The following SLC5A4 variants were observed in gnomAD, a reference collection of about 807,000 sequenced individuals.
SLC5A4 encodes the protein probable glucose sensor protein SLC5A4.
A neutral mutation model predicts 70.3 loss-of-function variants in SLC5A4; 55 were observed. The observed-to-expected ratio is 0.78, with a 90% CI of 0.63 to 0.98. The LOEUF (loss-of-function observed/expected upper bound fraction) is 0.98. Ranked by LOEUF, SLC5A4 falls within the 50% of genes least tolerant of loss-of-function variation. The pLI, the probability that SLC5A4 is intolerant of heterozygous loss-of-function variation, is 0.00. For synonymous variants in SLC5A4, 268 were observed against 305.7 expected (o/e 0.88, Z 1.29); for missense variants, 735 against 839.2 (o/e 0.88, Z 1.53).
At chr22:32,238,409 C>A (rs772610939) in intron 6 of SLC5A4, among the ~76,000 whole-genome samples, 1 of 152,172 alleles carries the variant, frequency 6.6e-6, no homozygotes, top group Non-Finnish European at 1.5e-5. Flanking sequence ...ACTGTTCTAG[C>A]TGGTATTTTT....
the SLC5A4 span, among the ~76,000 whole-genome samples, chr22:32,351,746 GGC>G: frequency 8.7e-5 from 3 of 34,568 alleles, no homozygotes; most frequent in African/African-American, 5.6e-4. Flanking sequence ...GTGGGGGGAG[GGC>G]GGGGGGGGGG....
At chr22:32,241,232 A>T (rs866790410) in intron 5 of SLC5A4, among the ~76,000 whole-genome samples, 1 of 152,240 alleles carries the variant, frequency 6.6e-6, no homozygotes, top group Middle Eastern at 3.2e-3. Flanking sequence ...GCATAAAATA[A>T]GTTTTGCTTT....
At chr22:32,265,136 A>C in the SLC5A4 span, among the ~76,000 whole-genome samples, 1 of 152,216 alleles carries the variant, frequency 6.6e-6, no homozygotes. Context: ...ATGGTGGCTC[A>C]CACCTGTTAT....
chr22:32,332,132 G>A, the SLC5A4 span, among the ~76,000 whole-genome samples: 6 of 151,872 alleles, frequency 4.0e-5, no homozygotes, highest in Admixed American at 3.3e-4. Context: ...GCTGCAGCTC[G>A]TGAGACAGTG....
At chr22:32,227,974 A>G (rs982805464) in intron 11 of SLC5A4, among the ~76,000 whole-genome samples, 1 of 152,092 alleles carries the variant, frequency 6.6e-6, no homozygotes, top group Admixed American at 6.5e-5. Flanking sequence ...TGAAAAAAAA[A>G]TTGTATTTCA....
chr22:32,354,300 G>A, the SLC5A4 span, among the ~76,000 whole-genome samples: 2 of 139,132 alleles, frequency 1.4e-5, no homozygotes, highest in Admixed American at 7.9e-5. Context: ...CCCCCTCCCT[G>A]CTGCCAACAG....
chr22:32,219,474 TG>T (rs1465377503), intron 14 of SLC5A4, among the ~76,000 whole-genome samples: 7 of 151,952 alleles, frequency 4.6e-5, no homozygotes, highest in Admixed American at 1.3e-4. Context: ...GAAATGATAA[TG>T]AAAATTATAC....
Position 32,240,897 on chromosome 22 carries a change from G to A in SLC5A4, c.478-1807C>T, listed in dbSNP as rs1168539024. On this transcript the variant is annotated intron_variant, in intron 5 of 14. Transcript: ENST00000266086. Reference sequence around the variant, plus strand: ...CATGGAATTTTACTTAGTGAAATATGTGGGGAACACTTAGAGAAGTATAGA... The same window carrying A: ...CATGGAATTTTACTTAGTGAAATATATGGGGAACACTTAGAGAAGTATAGA... Among the ~76,000 whole-genome samples, 3 of 152,240 alleles carry A rather than the reference G, an allele frequency of 2.0e-5. No homozygotes were observed. In the East Asian group the frequency reaches 5.8e-4, roughly 29 times the overall value.
the SLC5A4 span, among the ~76,000 whole-genome samples, chr22:32,342,356 T>C: frequency 6.6e-6 from 1 of 152,112 alleles, no homozygotes; most frequent in African/African-American, 2.4e-5. Context: ...CTAATAATGA[T>C]GGAAGAAGCA....
chr22:32,253,086 T>A (rs925473991), intron 2 of SLC5A4, among the ~76,000 whole-genome samples: 2 of 152,176 alleles, frequency 1.3e-5, no homozygotes, highest in South Asian at 4.1e-4. Context: ...CCAAATAAAA[T>A]TCATTTCAAA....
At chr22:32,305,460 C>G in the SLC5A4 span, among the ~76,000 whole-genome samples, 3 of 148,954 alleles carry the variant, frequency 2.0e-5, no homozygotes, top group Non-Finnish European at 3.0e-5. Flanking sequence ...ATGACGAGAC[C>G]TCTCTGGAGA....
chr22:32,315,934 C>T, the SLC5A4 span, among the ~76,000 whole-genome samples: 1 of 151,646 alleles, frequency 6.6e-6, no homozygotes, highest in Non-Finnish European at 1.5e-5. Flanking sequence ...TTTGGGAGGC[C>T]AAGGCAGGTA....
the SLC5A4 span, chr22:32,271,269 TG>T: frequency 1.3e-6 from 1 of 766,158 alleles, no homozygotes; most frequent in Non-Finnish European, 2.3e-6. Flanking sequence ...ACAGCTCCTT[TG>T]GAGAGCCCAC....
the SLC5A4 span, among the ~76,000 whole-genome samples, chr22:32,311,984 TC>T: frequency 6.6e-6 from 1 of 151,996 alleles, no homozygotes; most frequent in Non-Finnish European, 1.5e-5. Flanking sequence ...GCACCCCCCT[TC>T]CCCACTGTGA....
the SLC5A4 span, among the ~76,000 whole-genome samples, chr22:32,335,086 G>A: frequency 6.6e-6 from 1 of 152,188 alleles, no homozygotes; most frequent in African/African-American, 2.4e-5. Context: ...GAGGGTCACA[G>A]GGTCTGCCAG....
the SLC5A4 span, among the ~76,000 whole-genome samples, chr22:32,319,972 A>G: frequency 6.6e-6 from 1 of 152,122 alleles, no homozygotes; most frequent in Admixed American, 6.5e-5. Context: ...GCTCAACTCT[A>G]CAGAAACCAG....
At chr22:32,310,964 T>G in the SLC5A4 span, among the ~76,000 whole-genome samples, 2 of 152,214 alleles carry the variant, frequency 1.3e-5, no homozygotes, top group African/African-American at 2.4e-5. Flanking sequence ...GGCTTTCTTA[T>G]GCTTCCTTGA....
At chr22:32,255,134 C>G in intron 1 of SLC5A4, 61 bp downstream of exon 1, 1 of 1,501,878 alleles carries the variant, frequency 6.7e-7, no homozygotes, top group Middle Eastern at 1.7e-4. Context: ...CCCCTTCCCC[C>G]CTTAAGATAC....
chr22:32,304,424 G>C, the SLC5A4 span, among the ~76,000 whole-genome samples: 1 of 147,488 alleles, frequency 6.8e-6, no homozygotes, highest in Admixed American at 6.9e-5. Context: ...TTACAGGCGT[G>C]AGCTACCATG....
Sources: allele counts gnomAD v4.1 joint callset (sites outside exome capture counted in the v4.1 genomes callset), GRCh38; gene constraint gnomAD v4.1.1; transcripts MANE v1.5; gene names NCBI Gene and HGNC (gene_info 2026-07-23, HGNC 2026-07-21).